The following PLEKHA8 variants were observed in gnomAD, a reference collection of about 807,000 sequenced individuals.
PLEKHA8 encodes the protein pleckstrin homology domain-containing family A member 8.
PLEKHA8 carries 36 observed loss-of-function variants against 68.2 expected under a neutral mutation model. The ratio of observed to expected loss-of-function variants is 0.53; its 90% CI spans 0.40 to 0.70. The LOEUF (loss-of-function observed/expected upper bound fraction) is 0.70. PLEKHA8 is among the 30% of genes least tolerant of loss of function. The probability of loss-of-function intolerance (pLI) is 0.00; values close to 1 mark genes in which losing one functional copy is unlikely to be tolerated. For synonymous variants in PLEKHA8, 211 were observed against 216.1 expected (o/e 0.98, Z 0.20); for missense variants, 505 against 615.4 (o/e 0.82, Z 1.90).
downstream of PLEKHA8, among the ~76,000 whole-genome samples, chr7:30,086,445 G>C (rs540145453): frequency 2.0e-5 from 3 of 152,344 alleles, no homozygotes; most frequent in Admixed American, 2.0e-4. Context: ...TTCTTCAGCT[G>C]TACCCTTTGG....
intron 13 of PLEKHA8, among the ~76,000 whole-genome samples, chr7:30,123,933 T>C (rs983930254): frequency 6.6e-6 from 1 of 152,254 alleles, no homozygotes; most frequent in Admixed American, 6.5e-5. Context: ...TACCAAAACA[T>C]TGATGGCTAA....
chr7:30,051,532 A>G (rs182010054), intron 6 of PLEKHA8, among the ~76,000 whole-genome samples: 1 of 152,262 alleles, frequency 6.6e-6, no homozygotes, highest in African/African-American at 2.4e-5. Flanking sequence ...CATAATGATA[A>G]TATATTATGA....
chr7:30,054,605 T>C, intron 7 of PLEKHA8, 104 bp from the exon 8 acceptor site: 1 of 783,992 alleles, frequency 1.3e-6, no homozygotes, highest in Non-Finnish European at 1.8e-6. Context: ...TCATGAATTT[T>C]TATTTCTATG....
At chr7:30,099,588 C>T (rs904107807) in intron 13 of PLEKHA8, among the ~76,000 whole-genome samples, 1 of 152,202 alleles carries the variant, frequency 6.6e-6, no homozygotes, top group East Asian at 1.9e-4. Flanking sequence ...ATGCTGTTAA[C>T]CAGCTCAGCC....
intron 13 of PLEKHA8, among the ~76,000 whole-genome samples, chr7:30,124,596 A>G (rs926810540): frequency 6.6e-6 from 1 of 152,188 alleles, no homozygotes; most frequent in Admixed American, 6.5e-5. Flanking sequence ...TTCACCGACA[A>G]TGTAAAAGGT....
intron 9 of PLEKHA8, among the ~76,000 whole-genome samples, chr7:30,057,808 A>G (rs752918859): frequency 8.5e-5 from 13 of 152,150 alleles, no homozygotes; most frequent in Non-Finnish European, 1.3e-4. Context: ...TTTTGTGCCT[A>G]TGGGCCTATG....
At chr7:30,090,089 A>C in intron 12 of PLEKHA8, 1 of 1,493,820 alleles carries the variant, frequency 6.7e-7, no homozygotes, top group Non-Finnish European at 9.0e-7. Context: ...GAGATAAAAT[A>C]CAGAAGATTT....
chr7:30,050,679 TG>T, intron 6 of PLEKHA8: 1 of 544,514 alleles, frequency 1.8e-6, no homozygotes, highest in Non-Finnish European at 2.9e-6. Flanking sequence ...ATAGGGAAGA[TG>T]TTGGCATTTT....
At chr7:30,063,237 G>T (rs1446779079) in intron 12 of PLEKHA8, among the ~76,000 whole-genome samples, 1 of 152,188 alleles carries the variant, frequency 6.6e-6, no homozygotes, top group Admixed American at 6.5e-5. Context: ...AAGCCAAAAT[G>T]GGATGAAGGG....
intron 1 of PLEKHA8, among the ~76,000 whole-genome samples, chr7:30,031,718 T>G (rs1202466682): frequency 5.3e-5 from 8 of 152,212 alleles, no homozygotes; most frequent in African/African-American, 1.9e-4. Flanking sequence ...GTAGAACATT[T>G]TCTGGTTACA....
chr7:30,051,557 G>C (rs918513619), intron 6 of PLEKHA8, among the ~76,000 whole-genome samples: 2 of 151,960 alleles, frequency 1.3e-5, no homozygotes, highest in Non-Finnish European at 2.9e-5. Flanking sequence ...TCCTTTAACC[G>C]ATAGAATTAC....
intron 1 of PLEKHA8, among the ~76,000 whole-genome samples, chr7:30,032,848 G>A (rs1397297808): frequency 6.6e-6 from 1 of 152,238 alleles, no homozygotes; most frequent in Non-Finnish European, 1.5e-5. Context: ...GAGGGCTGCT[G>A]TTGTGAACTC....
At position 30,080,573 on chromosome 7, in the gene PLEKHA8, G is replaced by T; in HGVS notation, c.*1786G>T. 1 of 985,336 alleles carries T rather than the reference G, an allele frequency of 1.0e-6. No individual in the cohort carries two copies. The highest frequency in any genetic ancestry group is 1.2e-6 in the Non-Finnish European group (1 of 829,890). The allele number at this position is 985,336 out of a possible 1,614,324, so 61.0% of individuals were successfully genotyped here. On this transcript the variant is annotated 3_prime_UTR_variant, in exon 14 of 14. Coordinates refer to ENST00000449726, the MANE Select transcript of PLEKHA8 (RefSeq NM_001197026.2). ...CTTTAAACAAATGAACATTTATTTA[G>T]CTCAGATTAATTAGGTATTTTGCCC...
intron 13 of PLEKHA8, among the ~76,000 whole-genome samples, chr7:30,102,731 A>G (rs1583471059): frequency 6.6e-6 from 1 of 152,364 alleles, no homozygotes; most frequent in East Asian, 1.9e-4. Flanking sequence ...GCAAATTCAT[A>G]CAGACAGGAA....
chr7:30,122,296 G>A (rs1037097668), intron 13 of PLEKHA8, among the ~76,000 whole-genome samples: 3 of 152,040 alleles, frequency 2.0e-5, no homozygotes, highest in East Asian at 1.9e-4. Context: ...CCCTAAAACC[G>A]TTATCTGTTA....
chr7:30,056,322 A>C (rs1216223241), intron 9 of PLEKHA8, among the ~76,000 whole-genome samples: 3,022 of 123,068 alleles, frequency 0.025, 66 homozygotes, highest in Middle Eastern at 0.029. Context: ...CTATATATAT[A>C]TATATATATA....
intron 1 of PLEKHA8, among the ~76,000 whole-genome samples, chr7:30,037,733 T>G (rs1562852661): frequency 6.6e-6 from 1 of 152,186 alleles, no homozygotes; most frequent in African/African-American, 2.4e-5. Flanking sequence ...AGAGTTTAAA[T>G]AGTCCCTTTT....
chr7:30,110,614 G>A (rs751317057), intron 13 of PLEKHA8, among the ~76,000 whole-genome samples: 5 of 152,158 alleles, frequency 3.3e-5, no homozygotes, highest in Non-Finnish European at 4.4e-5. Flanking sequence ...TTTCCAAAGT[G>A]GTTGCACTGT....
At chr7:30,046,711 A>G (rs1164192925) in intron 3 of PLEKHA8, among the ~76,000 whole-genome samples, 2 of 152,188 alleles carry the variant, frequency 1.3e-5, no homozygotes, top group Non-Finnish European at 2.9e-5. Context: ...GAGGATTACC[A>G]TGAGAATTAG....
Sources: allele counts gnomAD v4.1 joint callset (sites outside exome capture counted in the v4.1 genomes callset), GRCh38; gene constraint gnomAD v4.1.1; transcripts MANE v1.5; gene names NCBI Gene and HGNC (gene_info 2026-07-23, HGNC 2026-07-21).